PRRG4: variants seen among roughly 807,000 people sequenced by gnomAD.
PRRG4 encodes proline rich and Gla domain 4.
PRRG4 carries 12 observed loss-of-function variants against 20.0 expected under a neutral mutation model. The ratio of observed to expected loss-of-function variants is 0.60; its 90% CI spans 0.38 to 0.97. PRRG4 has a LOEUF of 0.97. Among genes scored for constraint, PRRG4 ranks in the 50% least tolerant of loss-of-function variants. The pLI, the probability that PRRG4 is intolerant of heterozygous loss-of-function variation, is 0.00. For synonymous variants in PRRG4, 94 were observed against 96.4 expected, an observed-to-expected ratio of 0.98 and a Z score of 0.15; for missense variants, 199 against 265.1, an observed-to-expected ratio of 0.75 and a Z score of 1.73.
chr11:32,838,349 G>A lies in PRRG4; in HGVS notation c.268-533G>A, dbSNP rs532514671. On this transcript the variant is annotated intron_variant, in intron 3 of 5. Transcript: ENST00000257836. ...CAGGCGCCTGTAGTTCCAGCTACTC[G>A]GGAGGCTGAGGTGGGAGGATCGTTT... Among the ~76,000 whole-genome samples the A allele has an allele frequency of 3.9e-5, 6 of 152,040 alleles. No individual in the cohort carries two copies. In the East Asian group the frequency reaches 7.7e-4, roughly 20 times the overall value.
At chr11:32,842,551 T>C (rs1191676417) in intron 5 of PRRG4, among the ~76,000 whole-genome samples, 1 of 151,890 alleles carries the variant, frequency 6.6e-6, no homozygotes, top group Non-Finnish European at 1.5e-5. Flanking sequence ...AGAAACCCCG[T>C]CTCTACTAAA....
chr11:32,851,153 C>T (rs933023989), intron 5 of PRRG4, among the ~76,000 whole-genome samples: 2 of 152,026 alleles, frequency 1.3e-5, no homozygotes, highest in African/African-American at 2.4e-5. Context: ...TGGAGGAAAA[C>T]AGGCATCATA....
chr11:32,835,349 A>C (rs2133438992), intron 2 of PRRG4, among the ~76,000 whole-genome samples: 1 of 152,360 alleles, frequency 6.6e-6, no homozygotes, highest in South Asian at 2.1e-4. Flanking sequence ...GCCTACTTTA[A>C]TACATTCTTT....
At chr11:32,853,214 T>C (rs558417307) in intron 5 of PRRG4, 82 bp from the exon 6 acceptor site, 8 of 887,774 alleles carry the variant, frequency 9.0e-6, no homozygotes, top group Non-Finnish European at 5.5e-6. Flanking sequence ...TTTATTAAGA[T>C]AGTTGGTTGG....
chr11:32,840,096 T>C lies in PRRG4; in HGVS notation c.317-11T>C, dbSNP rs1851063788. The C allele has an allele frequency of 6.3e-7, 1 of 1,577,158 alleles. No individual in the cohort carries two copies. The highest frequency in any genetic ancestry group is 8.7e-7 in the Non-Finnish European group (1 of 1,148,184). ...TGTTATATTTATGTTATTTTAATGA[T>C]TTATTTTAAGATGGCAACAGAGAGA... On this transcript the variant is annotated splice_polypyrimidine_tract_variant and intron_variant, in intron 4 of 5. Coordinates refer to ENST00000257836, the MANE Select transcript of PRRG4 (RefSeq NM_024081.6). This position sits in a 1 kb window ranked among gnomAD's most constrained non-coding sequence, Gnocchi z 4.1.
chr11:32,836,609 T>C (rs910357477), intron 2 of PRRG4, 49 bp from the exon 3 acceptor site: 1 of 1,137,016 alleles, frequency 8.8e-7, no homozygotes, highest in African/African-American at 1.5e-5. Flanking sequence ...AACAGGAATT[T>C]TTTGACTATA....
chr11:32,853,579 T>TGAGCCACCATGCCC lies in PRRG4; in HGVS notation c.*53_*54insAGCCACCATGCCCG. ...TTTGTGTTATTTGATAGGCCGGGCATGGTGGCTCATGCCTGTAATCCCAGC... is the reference window on the plus strand; with the variant it reads ...TTTGTGTTATTTGATAGGCCGGGCATGAGCCACCATGCCCGGTGGCTCATGCCTGTAATCCCAGC... On this transcript the variant is annotated 3_prime_UTR_variant, in exon 6 of 6. Transcript: ENST00000257836. The TGAGCCACCATGCCC allele has an allele frequency of 1.4e-6, 2 of 1,408,242 alleles. No individual in the cohort carries two copies. The highest frequency in any genetic ancestry group is 2.0e-6 in the Non-Finnish European group (2 of 1,008,172). 87.2% of individuals were successfully genotyped at this position (1,408,242 alleles called of 1,614,324 possible).
intron 1 of PRRG4, 82 bp downstream of exon 1, chr11:32,830,255 C>T (rs1850954409): frequency 2.4e-5 from 25 of 1,036,618 alleles, no homozygotes; most frequent in Admixed American, 4.2e-5. Context: ...TGGATTCGAA[C>T]ACATAGCGAG....
At chr11:32,837,496 TTAAC>T (rs1851030898) in intron 3 of PRRG4, among the ~76,000 whole-genome samples, 2 of 149,486 alleles carry the variant, frequency 1.3e-5, no homozygotes, top group Admixed American at 6.7e-5. Context: ...TTGAAAAATG[TTAAC>T]TAACTGAGAT....
intron 4 of PRRG4, 143 bp downstream of exon 4, chr11:32,839,073 T>C (rs773698197): frequency 7.4e-5 from 45 of 608,472 alleles, no homozygotes; most frequent in Non-Finnish European, 1.2e-4. Context: ...TGCACCGGGC[T>C]ATCTCAGACA....
chr11:32,836,594 A>G, intron 2 of PRRG4, 64 bp from the exon 3 acceptor site: 2 of 1,016,132 alleles, frequency 2.0e-6, no homozygotes, highest in Non-Finnish European at 2.8e-6. Flanking sequence ...TTTTTCCACA[A>G]TTAAAACAGG....
At chr11:32,842,921 G>A (rs539132892) in intron 5 of PRRG4, among the ~76,000 whole-genome samples, 12 of 150,794 alleles carry the variant, frequency 8.0e-5, no homozygotes, top group African/African-American at 1.9e-4. Context: ...GTGTGATCTC[G>A]GCTCACTGCA....
intron 2 of PRRG4, among the ~76,000 whole-genome samples, chr11:32,832,479 CTTTTTTTTTTT>C (rs555430349): frequency 8.2e-6 from 1 of 121,268 alleles, no homozygotes; most frequent in Non-Finnish European, 1.6e-5. Context: ...TGGTGAAATT[CTTTTTTTTTTT>C]TTTTTTTTCA....
rs922726115 is a variant in PRRG4 at position 32,840,494 on chromosome 11, A to C, written c.449+255A>C. On this transcript the variant is annotated intron_variant, in intron 5 of 5. Transcript: ENST00000257836. This position sits in a 1 kb window ranked among gnomAD's most constrained non-coding sequence, Gnocchi z 4.1. The stretch of plus-strand genomic sequence containing the variant: ...AAGAAAATGACATTGGTTCATGACT[A>C]TTAACTAAACTCCAGACTTTGATTT... Among the ~76,000 whole-genome samples, 5 of 152,192 alleles carry C rather than the reference A, an allele frequency of 3.3e-5. No homozygotes were observed. Among genetic ancestry groups the C allele is most frequent in the African/African-American group, 1.2e-4 (5 of 41,454 alleles).
intron 5 of PRRG4, among the ~76,000 whole-genome samples, chr11:32,852,170 C>T (rs949628548): frequency 2.0e-5 from 3 of 151,942 alleles, no homozygotes; most frequent in African/African-American, 4.8e-5. Context: ...AGAAAGGGAA[C>T]GATACTAGTG....
In PRRG4 at chr11:32,830,116, C is replaced by T. The variant is rs146225314; in HGVS notation, c.-80C>T. 115 of 994,794 alleles carry T rather than the reference C, an allele frequency of 1.2e-4. No individual in the cohort carries two copies. The East Asian group carries it at 9.2e-3, about 80-fold the overall frequency. 61.6% of individuals were successfully genotyped at this position (994,794 alleles called of 1,614,324 possible). ...ACCGAGGGCCTGGCGGCCGAAGGAA[C>T]CGCCCCAAGAAGAGCCTCTGGCCCG... On this transcript the variant is annotated 5_prime_UTR_variant, in exon 1 of 6. Transcript: ENST00000257836.
At position 32,854,860 on chromosome 11, in the gene PRRG4, T is replaced by G. The variant is rs1230975428; in HGVS notation, c.*1333T>G. On this transcript the variant is annotated 3_prime_UTR_variant, in exon 6 of 6. Transcript: ENST00000257836. Reference sequence around the variant, plus strand: ...GTTAGTTCTTCAGAAGATACAAGTTTGCAATGAAAAGGATTTGCAAGGGTT... The same window carrying G: ...GTTAGTTCTTCAGAAGATACAAGTTGGCAATGAAAAGGATTTGCAAGGGTT... The G allele has an allele frequency of 6.6e-6, 1 of 152,186 alleles. No individual in the cohort carries two copies. The highest frequency in any genetic ancestry group is 6.5e-5 in the Admixed American group (1 of 15,268). 9.4% of individuals were successfully genotyped at this position (152,186 alleles called of 1,614,324 possible).
chr11:32,831,084 G>A lies in PRRG4; in HGVS notation c.103+452G>A, dbSNP rs1224579587. Among the ~76,000 whole-genome samples the A allele has an allele frequency of 2.6e-5, 4 of 152,170 alleles. No individual in the cohort carries two copies. The East Asian group carries it at 7.7e-4, about 29-fold the overall frequency. On this transcript the variant is annotated intron_variant, in intron 2 of 5. Coordinates refer to ENST00000257836, the MANE Select transcript of PRRG4 (RefSeq NM_024081.6). ...TCATCTGTAAAAGTGATGCGGGTGGGGCGTAAAATGATCTCTGAGGTCCTT... is the reference window on the plus strand; with the variant it reads ...TCATCTGTAAAAGTGATGCGGGTGGAGCGTAAAATGATCTCTGAGGTCCTT...
chr11:32,837,531 TGA>T (rs1565113811), intron 3 of PRRG4, among the ~76,000 whole-genome samples: 1,543 of 109,738 alleles, frequency 0.014, 17 homozygotes, highest in South Asian at 0.036. Flanking sequence ...ATGATGATGA[TGA>T]TGATGATGAT....
Sources: allele counts gnomAD v4.1 joint callset (sites outside exome capture counted in the v4.1 genomes callset), GRCh38; gene constraint gnomAD v4.1.1; non-coding constraint Gnocchi (gnomAD v3.1); transcripts MANE v1.5; gene names NCBI Gene and HGNC (gene_info 2026-07-23, HGNC 2026-07-21).